UBA7: variants seen among roughly 807,000 people sequenced by gnomAD.
UBA7 encodes the protein ubiquitin-like modifier-activating enzyme 7.
A neutral mutation model predicts 113.0 loss-of-function variants in UBA7; 88 were observed. The ratio of observed to expected loss-of-function variants is 0.78; its 90% CI spans 0.66 to 0.93. The LOEUF (loss-of-function observed/expected upper bound fraction) is 0.93, where lower values mean the gene tolerates loss of function less well. Among genes scored for constraint, UBA7 ranks in the 40% least tolerant of loss-of-function variants. The pLI is 0.00. For missense variants in UBA7, 1,092 were observed against 1,266.4 expected, an observed-to-expected ratio of 0.86 and a Z score of 2.09; for synonymous variants, 459 against 513.0, an observed-to-expected ratio of 0.89 and a Z score of 1.42.
intron 1 of UBA7, 41 bp from the exon 2 acceptor site, chr3:49,813,688 G>A: frequency 1.2e-6 from 2 of 1,614,234 alleles, no homozygotes; most frequent in Non-Finnish European, 1.7e-6. Flanking sequence ...GTAGATCAAG[G>A]TCTGAAGACC....
chr3:49,808,286 G>C, intron 19 of UBA7, 100 bp downstream of exon 19: 1 of 1,541,390 alleles, frequency 6.5e-7, no homozygotes, highest in Non-Finnish European at 9.0e-7. Flanking sequence ...GGTCTTGCTG[G>C]GAGAATTCAG....
In UBA7 at chr3:49,811,882, C is replaced by G. The variant is rs2081553277; in HGVS notation, c.927G>C (p.Gln309His). The change falls in exon 8 of 24, where the codon CAG becomes CAC. Residue 309 changes from glutamine (Q) to histidine (H), a missense_variant. Physicochemically the swap from Gln to His is conservative, Grantham distance 24 (BLOSUM62 0). Coordinates refer to ENST00000333486, the MANE Select transcript of UBA7 (RefSeq NM_003335.3). ...CAGGACTACTCACAGGATCCCAGGG[C>G]TGGGGTGGCCGGCCATGGAGGTGCT... ...KFQHLHGRPPQPWDPVDAETV... is the reference protein window; with the variant it reads ...KFQHLHGRPPHPWDPVDAETV... 2 of 1,613,526 alleles carry G rather than the reference C, an allele frequency of 1.2e-6. No homozygotes were observed. The highest frequency in any genetic ancestry group is 2.7e-5 in the African/African-American group (2 of 74,926).
rs1281932333 is a variant in UBA7 at position 49,810,773 on chromosome 3, C to T, written c.1290G>A (p.Leu430=). The change falls in exon 11 of 24, where the codon CTG becomes CTA. Residue 430 remains leucine (L), a synonymous_variant. Coordinates refer to ENST00000333486, the MANE Select transcript of UBA7 (RefSeq NM_003335.3). The surrounding 1 kb of genome is among the most constrained non-coding windows in gnomAD (Gnocchi z 5.6). The part of the protein sequence containing the change: ...AVFGAGFQEK[L]RRQHYLLVGA... ...TCACCAGGAGGTAGTGCTGGCGTCT[C>T]AGTTTCTCCTGAAAACCAGCCCCAA... 2.5e-6 allele frequency: 4 copies of T among 1,614,164 alleles called. No homozygotes were observed. Among genetic ancestry groups the T allele is most frequent in the African/African-American group, 2.7e-5 (2 of 75,050 alleles).
Position 49,813,910 on chromosome 3 carries a change from G to A in UBA7, c.-123C>T, listed in dbSNP as rs953918149. ...GTGCAAACAGGAACCAAGGCCAAGC[G>A]AATAAGGGACGCTGCTGGTCACAGC... On this transcript the variant is annotated 5_prime_UTR_variant, in exon 1 of 24. Transcript: ENST00000333486. 19 of 1,081,508 alleles carry A rather than the reference G, an allele frequency of 1.8e-5. No homozygotes were observed. The East Asian group carries it at 2.6e-4, about 15-fold the overall frequency. 67.0% of individuals were successfully genotyped at this position (1,081,508 alleles called of 1,614,324 possible). A position where few individuals can be genotyped will look rare whatever the true frequency, so the allele number is the denominator to read the frequency against.
At chr3:49,811,535 C>T (rs540058282) in intron 8 of UBA7, 80 bp from the exon 9 acceptor site, 2 of 1,517,314 alleles carry the variant, frequency 1.3e-6, no homozygotes, top group South Asian at 1.3e-5. Flanking sequence ...CACCCTCCAT[C>T]CACCCTGTTC....
Position 49,813,885 on chromosome 3 carries a change from G to T in UBA7, c.-98C>A. 7.0e-7 allele frequency: 1 copy of T among 1,427,256 alleles called. No individual in the cohort carries two copies. Among genetic ancestry groups the T allele is most frequent in the Non-Finnish European group, 9.7e-7 (1 of 1,030,766 alleles). The allele number at this position is 1,427,256 out of a possible 1,614,324, so 88.4% of individuals were successfully genotyped here. On this transcript the variant is annotated 5_prime_UTR_variant, in exon 1 of 24. In the 5' UTR this introduces an upstream ATG that the reference lacks. Transcript: ENST00000333486. The stretch of plus-strand genomic sequence containing the variant: ...AGGGGCCAGTGCCCTGCTGTAGCCA[G>T]TGCAAACAGGAACCAAGGCCAAGCG...
At chr3:49,808,577 C>A in intron 18 of UBA7, 109 bp from the exon 19 acceptor site, 1 of 1,170,180 alleles carries the variant, frequency 8.5e-7, no homozygotes, top group African/African-American at 1.5e-5. Flanking sequence ...TTACTATTCC[C>A]TGATCAAATC....
In UBA7 at chr3:49,807,601, G is replaced by A. The variant is rs1575369006; in HGVS notation, c.2715+135C>T. The A allele has an allele frequency of 8.5e-7, 1 of 1,172,518 alleles. No individual in the cohort carries two copies. Among genetic ancestry groups the A allele is most frequent in the East Asian group, 2.5e-5 (1 of 40,066 alleles). 72.6% of individuals were successfully genotyped at this position (1,172,518 alleles called of 1,614,324 possible). Reference sequence around the variant, plus strand: ...CAGCCTGGCTTCATAGCAGGAAGAGGGCTGGAGGGAGTCTTCAGGACTTCT... The same window carrying A: ...CAGCCTGGCTTCATAGCAGGAAGAGAGCTGGAGGGAGTCTTCAGGACTTCT... On this transcript the variant is annotated intron_variant, in intron 21 of 23. Coordinates refer to ENST00000333486, the MANE Select transcript of UBA7 (RefSeq NM_003335.3). This position sits in a 1 kb window ranked among gnomAD's most constrained non-coding sequence, Gnocchi z 4.0.
Position 49,810,597 on chromosome 3 carries a change from C to A in UBA7, c.1387G>T (p.Gly463Cys). ...LVGLGAGNSG[G>C]LTVVDMDHIE... ...TGGTCCATGTCAACAACAGTCAAGC[C>A]CCCGCTGTTCCCGGCCCCCAGTCCC... Residue 463 changes from glycine to cysteine, a missense_variant, in exon 12 of 24, where the codon GGC becomes TGC. This residue lies in a region of UBA7 where 584 missense variants were observed against 714.5 expected (regional missense o/e 0.82). Transcript: ENST00000333486. The surrounding 1 kb of genome is among the most constrained non-coding windows in gnomAD (Gnocchi z 5.6). 6.2e-7 allele frequency: 1 copy of A among 1,614,088 alleles called. No individual in the cohort carries two copies. Among genetic ancestry groups the A allele is most frequent in the Non-Finnish European group, 8.5e-7 (1 of 1,180,020 alleles).
At chr3:49,812,946 T>C (rs1457182297) in intron 4 of UBA7, 116 bp downstream of exon 4, 16 of 1,300,764 alleles carry the variant, frequency 1.2e-5, no homozygotes, top group Non-Finnish European at 1.7e-5. Flanking sequence ...CAGAAAGGCA[T>C]GCTGGGATAG....
At position 49,810,735 on chromosome 3, in the gene UBA7, C is replaced by T; in HGVS notation, c.1311+17G>A. The T allele has an allele frequency of 1.2e-6, 2 of 1,614,182 alleles. No individual in the cohort carries two copies. ...TGGCTCTCCCAAAGGCACCCCCAGT[C>T]TCACCCCACAGCTCACCAGGAGGTA... is the stretch of plus-strand genomic sequence containing the variant. On this transcript the variant is annotated intron_variant, in intron 11 of 23. Transcript: ENST00000333486. This position sits in a 1 kb window ranked among gnomAD's most constrained non-coding sequence, Gnocchi z 5.6.
chr3:49,809,713 G>C lies in UBA7; in HGVS notation c.1917C>G (p.Ser639=). ...TCTGTGGCTCATCCATGTCTGCCAG[G>C]GAAGTGTGTGCCCTGCAGAGAGAGG... is the stretch of plus-strand genomic sequence containing the variant. ...TINHHQQAHT[S]LADMDEPQTL... Residue 639 remains serine (S), a synonymous_variant, in exon 16 of 24, where the codon TCC becomes TCG. Coordinates refer to ENST00000333486, the MANE Select transcript of UBA7 (RefSeq NM_003335.3). 6.2e-7 allele frequency: 1 copy of C among 1,614,142 alleles called. No individual in the cohort carries two copies.
In UBA7 at chr3:49,807,110, AAC is replaced by A. The variant is rs1553615280; in HGVS notation, c.2715+624_2715+625del. Among the ~76,000 whole-genome samples the A allele has an allele frequency of 1.3e-5, 2 of 152,196 alleles. No homozygotes were observed. Among genetic ancestry groups the A allele is most frequent in the African/African-American group, 2.4e-5 (1 of 41,448 alleles). ...GAACACAAATGCCCACAAGCCCAGG[AAC>A]ACACACATGTGTGCCCACATGCATC... is the stretch of plus-strand genomic sequence containing the variant. On this transcript the variant is annotated intron_variant, in intron 21 of 23. Coordinates refer to ENST00000333486, the MANE Select transcript of UBA7 (RefSeq NM_003335.3). This position sits in a 1 kb window ranked among gnomAD's most constrained non-coding sequence, Gnocchi z 4.0.
Position 49,812,108 on chromosome 3 carries a change from CAT to C in UBA7, c.791_792del (p.His264GlnfsTer51). Reference protein sequence around the residue: ...TEVKRPKTVRHKSLDTALLQP... With the variant: ...TEVKRPKTVRXKSLDTALLQP... ...CCTACCTCAGATGCACTTGCACTCACATGTCTCACAGTCTTGGGTCTCTTGAC... is the reference window on the plus strand; with the variant it reads ...CCTACCTCAGATGCACTTGCACTCACGTCTCACAGTCTTGGGTCTCTTGAC... On this transcript the variant is annotated frameshift_variant and splice_region_variant, in exon 7 of 24. Coordinates refer to ENST00000333486, the MANE Select transcript of UBA7 (RefSeq NM_003335.3). LOFTEE classifies it high-confidence loss of function. 5 of 1,614,232 alleles carry C rather than the reference CAT, an allele frequency of 3.1e-6. No homozygotes were observed. The highest frequency in any genetic ancestry group is 4.2e-6 in the Non-Finnish European group (5 of 1,180,044).
Position 49,812,546 on chromosome 3 carries a change from G to C in UBA7, c.559-3C>G, listed in dbSNP as rs1174741233. On this transcript the variant is annotated splice_region_variant and splice_polypyrimidine_tract_variant and intron_variant, in intron 5 of 23. Transcript: ENST00000333486. The stretch of plus-strand genomic sequence containing the variant: ...AGAGTGAGAATGCCAGGGGAGCCCT[G>C]GGTAGGAGGAGGCTTGGCTCAGGGT... The C allele has an allele frequency of 3.1e-6, 5 of 1,614,030 alleles. No homozygotes were observed. The East Asian group carries it at 8.9e-5, about 29-fold the overall frequency.
In UBA7 at chr3:49,812,747, G is replaced by A; in HGVS notation, c.468-9C>T. ...AGTCACAGAACAACTGCCTGAGATG[G>A]GGTGGTAGGGGTCACTGAGGTGGCT... On this transcript the variant is annotated splice_polypyrimidine_tract_variant and intron_variant, in intron 4 of 23. Coordinates refer to ENST00000333486, the MANE Select transcript of UBA7 (RefSeq NM_003335.3). 6.2e-7 allele frequency: 1 copy of A among 1,614,076 alleles called. No individual in the cohort carries two copies. The highest frequency in any genetic ancestry group is 1.3e-5 in the African/African-American group (1 of 75,052).
At position 49,813,951 on chromosome 3, in the gene UBA7, A is replaced by C. The variant is rs746044432; in HGVS notation, c.-164T>G. 4.4e-6 allele frequency: 2 copies of C among 449,732 alleles called. No homozygotes were observed. The highest frequency in any genetic ancestry group is 3.4e-5 in the African/African-American group (1 of 29,180). The allele number at this position is 449,732 out of a possible 1,614,324, so 27.9% of individuals were successfully genotyped here. On this transcript the variant is annotated 5_prime_UTR_variant, in exon 1 of 24. Transcript: ENST00000333486. ...TGGTCACAGCTCTCTTCCTGGAGAA[A>C]AGAAAAGTGAAAGTTAAACTATGCT...
At position 49,809,007 on chromosome 3, in the gene UBA7, A is replaced by C. The variant is rs2081498548; in HGVS notation, c.2316T>G (p.Asn772Lys). Residue 772 changes from asparagine to lysine, a missense_variant, in exon 18 of 24, where the codon AAT becomes AAG. Asn to Lys is a moderately conservative substitution (Grantham distance 94, BLOSUM62 0). This residue lies in a region of UBA7 where 500 missense variants were observed against 529.3 expected (regional missense o/e 0.94). Transcript: ENST00000333486. Reference sequence around the variant, plus strand: ...CAGCAGAAGCCGAAGCCAGCTCTAGATTACTAGCAAAGATGGGGGCCATCT... The same window carrying C: ...CAGCAGAAGCCGAAGCCAGCTCTAGCTTACTAGCAAAGATGGGGGCCATCT... Reference protein sequence around the residue: ...PQQMAPIFASNLELASASAEF... With the variant: ...PQQMAPIFASKLELASASAEF... 1.9e-6 allele frequency: 3 copies of C among 1,613,808 alleles called. No homozygotes were observed. The highest frequency in any genetic ancestry group is 1.7e-6 in the Non-Finnish European group (2 of 1,180,004).
chr3:49,809,873 G>A lies in UBA7; in HGVS notation c.1846C>T (p.Arg616Trp), dbSNP rs759738405. 11 of 1,614,156 alleles carry A rather than the reference G, an allele frequency of 6.8e-6. No individual in the cohort carries two copies. Among genetic ancestry groups the A allele is most frequent in the South Asian group, 5.5e-5 (5 of 91,078 alleles). Residue 616 changes from arginine to tryptophan, a missense_variant, in exon 15 of 24, where the codon CGG becomes TGG. Around this residue, in one of 3 missense-constraint regions of UBA7, gnomAD observed 500 missense variants for 529.3 expected, o/e 0.94. Coordinates refer to ENST00000333486, the MANE Select transcript of UBA7 (RefSeq NM_003335.3). The part of the protein sequence containing the change: ...STAEHTLQWA[R>W]HEFEELFRLS... The stretch of plus-strand genomic sequence containing the variant: ...CGGAAGAGTTCTTCAAACTCATGCC[G>A]GGCCCACTGTGGAGGAGGGAGGAAG...
Sources: gnomAD v4.1 joint callset for allele counts (sites outside exome capture counted in the v4.1 genomes callset) on GRCh38, gnomAD v4.1.1 for gene constraint, gnomAD v4.1.1 regional missense constraint, Gnocchi (gnomAD v3.1) non-coding constraint, MANE v1.5 for transcripts, NCBI Gene and HGNC (gene_info 2026-07-23, HGNC 2026-07-21) for gene names.